Variants in NDUFA13 observed in about 807,000 individuals in gnomAD.
NDUFA13 encodes the protein NADH:ubiquinone oxidoreductase subunit A13.
Under a neutral mutation model 17.0 loss-of-function variants are expected in NDUFA13, and 16 were observed. The observed-to-expected ratio is 0.94, with a 90% CI of 0.64 to 1.43. The LOEUF is 1.43. NDUFA13 is among the 40% of genes most tolerant of loss of function. NDUFA13 has a pLI of 0.00. For synonymous variants in NDUFA13, 87 were observed against 78.4 expected (o/e 1.11, Z -0.58); for missense variants, 228 against 206.7 (o/e 1.10, Z -0.63).
intron 1 of NDUFA13, among the ~76,000 whole-genome samples, chr19:19,520,097 A>G (rs971333410): frequency 6.9e-6 from 1 of 145,346 alleles, no homozygotes; most frequent in African/African-American, 2.6e-5. Context: ...ACCTACCTCA[A>G]CCTCCCAAAG....
intron 1 of NDUFA13, among the ~76,000 whole-genome samples, chr19:19,521,603 T>C (rs1222502863): frequency 6.6e-6 from 1 of 152,288 alleles, no homozygotes; most frequent in Non-Finnish European, 1.5e-5. Flanking sequence ...TTTGTTTGTT[T>C]GTTCGTTTGT....
intron 1 of NDUFA13, among the ~76,000 whole-genome samples, chr19:19,522,757 C>T (rs1388599610): frequency 1.3e-5 from 2 of 152,058 alleles, no homozygotes; most frequent in Non-Finnish European, 2.9e-5. Context: ...GAATTACAGG[C>T]GTGAGCCACT....
chr19:19,519,402 C>T (rs2061065899), intron 1 of NDUFA13, among the ~76,000 whole-genome samples: 1 of 151,664 alleles, frequency 6.6e-6, no homozygotes, highest in Non-Finnish European at 1.5e-5. Context: ...AGAGCAGTGG[C>T]CCCCCCTGTG....
intron 1 of NDUFA13, among the ~76,000 whole-genome samples, chr19:19,519,971 C>CTTTTTTTTTTTTT (rs397963977): frequency 8.3e-6 from 1 of 120,270 alleles, no homozygotes; most frequent in African/African-American, 3.2e-5. Flanking sequence ...TTTTTGTTCT[C>CTTTTTTTTTTTTT]TTTTTTTTTT....
Position 19,518,952 on chromosome 19 carries a change from C to T in NDUFA13, c.94+2620C>T, listed in dbSNP as rs140167611. Among the ~76,000 whole-genome samples, 1,466 of 151,660 alleles carry T rather than the reference C, an allele frequency of 9.7e-3. 28 individuals carry two copies. The highest frequency in any genetic ancestry group is 0.033 in the African/African-American group (1,368 of 41,318). ...AGAGATGGGGTTTCTCCATGTTGGT[C>T]AGGCTGGTCTCAAACTCCTGACCTC... is the stretch of plus-strand genomic sequence containing the variant. On this transcript the variant is annotated intron_variant, in intron 1 of 4. Coordinates refer to ENST00000507754, the MANE Select transcript of NDUFA13 (RefSeq NM_015965.7).
chr19:19,516,469 G>A, intron 1 of NDUFA13, 137 bp downstream of exon 1: 1 of 909,676 alleles, frequency 1.1e-6, no homozygotes, highest in Non-Finnish European at 1.8e-6. Flanking sequence ...CATAGCTTCT[G>A]TAATAACGCT....
chr19:19,516,236 A>G lies in NDUFA13; in HGVS notation c.-3A>G. On this transcript the variant is annotated 5_prime_UTR_variant, in exon 1 of 5. Coordinates refer to ENST00000507754, the MANE Select transcript of NDUFA13 (RefSeq NM_015965.7). ...GGGACCGGAAGTGTGGGATACTGCGAGTATGGCGGCGTCAAAGGTGAAGCA... is the reference window on the plus strand; with the variant it reads ...GGGACCGGAAGTGTGGGATACTGCGGGTATGGCGGCGTCAAAGGTGAAGCA... The G allele has an allele frequency of 2.1e-5, 34 of 1,614,110 alleles. No homozygotes were observed. Among genetic ancestry groups the G allele is most frequent in the Non-Finnish European group, 2.8e-5 (33 of 1,180,036 alleles).
intron 1 of NDUFA13, among the ~76,000 whole-genome samples, chr19:19,521,084 G>T (rs886363610): frequency 6.6e-6 from 1 of 152,140 alleles, no homozygotes; most frequent in Non-Finnish European, 1.5e-5. Flanking sequence ...TGGTAACTTC[G>T]TGTTTAACAT....
rs1368356780 is a variant in NDUFA13, at chr19:19,523,207, TCA to T, written c.95-2974_95-2973del. On this transcript the variant is annotated intron_variant, in intron 1 of 4. Coordinates refer to ENST00000507754, the MANE Select transcript of NDUFA13 (RefSeq NM_015965.7). ...ATGGGGATTGCGTTTCAAATCTGTA[TCA>T]GTTTGCACAGCGTTGCCATCTGCAC... Among the ~76,000 whole-genome samples, 3 of 152,252 alleles carry T rather than the reference TCA, an allele frequency of 2.0e-5. No homozygotes were observed. The East Asian group carries it at 5.8e-4, about 29-fold the overall frequency.
At chr19:19,522,055 A>G (rs2061080439) in intron 1 of NDUFA13, among the ~76,000 whole-genome samples, 3 of 152,048 alleles carry the variant, frequency 2.0e-5, no homozygotes. Flanking sequence ...CTGTAATTCC[A>G]GCACTTTGGG....
In NDUFA13 at chr19:19,516,347, G is replaced by A; in HGVS notation, c.94+15G>A. 6 of 1,613,012 alleles carry A rather than the reference G, an allele frequency of 3.7e-6. No individual in the cohort carries two copies. The highest frequency in any genetic ancestry group is 5.1e-6 in the Non-Finnish European group (6 of 1,179,932). On this transcript the variant is annotated intron_variant, in intron 1 of 4. Coordinates refer to ENST00000507754, the MANE Select transcript of NDUFA13 (RefSeq NM_015965.7). ...AGGACTGTCGGGTCAGTATCACTCT[G>A]CGCCGGGGTCTCAGAGTCTGGGCAC...
At position 19,528,155 on chromosome 19, in the gene NDUFA13, C is replaced by G; in HGVS notation, c.*29C>G. ...CTGTGCCCTCCGGCCACCTGGATCC[C>G]TGCCCCTCCCCACTGGGACGGAATA... On this transcript the variant is annotated 3_prime_UTR_variant, in exon 5 of 5. Coordinates refer to ENST00000507754, the MANE Select transcript of NDUFA13 (RefSeq NM_015965.7). 1 of 1,610,326 alleles carries G rather than the reference C, an allele frequency of 6.2e-7. No individual in the cohort carries two copies. The highest frequency in any genetic ancestry group is 8.5e-7 in the Non-Finnish European group (1 of 1,179,880).
In NDUFA13 at chr19:19,526,256, C is replaced by T. The variant is rs765175940; in HGVS notation, c.169C>T (p.Arg57Cys). ...GAGCATAATGAAGTGGAACCGTGAG[C>T]GCAGGTAGGGCCCCTGGTGGGCGTT... ...HWSIMKWNRE[R>C]RRLQIEDFEA... Residue 57 changes from arginine to cysteine, a missense_variant, in exon 2 of 5, where the codon CGC (arginine) becomes TGC (cysteine). Physicochemically the swap from Arg to Cys is radical, Grantham distance 180 (BLOSUM62 -3). Transcript: ENST00000507754. 26 of 1,613,962 alleles carry T rather than the reference C, an allele frequency of 1.6e-5. No homozygotes were observed. The highest frequency in any genetic ancestry group is 2.1e-5 in the Non-Finnish European group (25 of 1,180,014).
intron 1 of NDUFA13, among the ~76,000 whole-genome samples, chr19:19,517,372 G>C (rs1001916701): frequency 6.6e-6 from 1 of 151,552 alleles, no homozygotes; most frequent in Non-Finnish European, 1.5e-5. Flanking sequence ...ACAAGCATGC[G>C]CCCAGCTTTC....
chr19:19,521,416 C>T (rs1476896012), intron 1 of NDUFA13, among the ~76,000 whole-genome samples: 3 of 152,384 alleles, frequency 2.0e-5, no homozygotes, highest in Non-Finnish European at 4.4e-5. Flanking sequence ...GATGGGGCCT[C>T]AGTGTTTCCC....
In NDUFA13 at chr19:19,516,348, C is replaced by T. The variant is rs2061048566; in HGVS notation, c.94+16C>T. 3 of 1,612,276 alleles carry T rather than the reference C, an allele frequency of 1.9e-6. No individual in the cohort carries two copies. The highest frequency in any genetic ancestry group is 2.7e-5 in the African/African-American group (2 of 75,020). On this transcript the variant is annotated intron_variant, in intron 1 of 4. Transcript: ENST00000507754. ...GGACTGTCGGGTCAGTATCACTCTG[C>T]GCCGGGGTCTCAGAGTCTGGGCACT...
chr19:19,526,181 GGCTACA>G lies in NDUFA13; in HGVS notation c.97_102del (p.Tyr33_Ser34del), dbSNP rs2061098796. 2 of 1,613,908 alleles carry G rather than the reference GGCTACA, an allele frequency of 1.2e-6. No individual in the cohort carries two copies. The highest frequency in any genetic ancestry group is 1.7e-6 in the Non-Finnish European group (2 of 1,179,972). On this transcript the variant is annotated inframe_deletion and splice_region_variant, in exon 2 of 5. Coordinates refer to ENST00000507754, the MANE Select transcript of NDUFA13 (RefSeq NM_015965.7). ...CCGCTGAGCAGCGCCTCTCTTCACA[GGCTACA>G]GCATGCTGGCCATAGGGATTGGAAC...
At chr19:19,516,414 C>T (rs2061049055) in intron 1 of NDUFA13, 82 bp downstream of exon 1, 6 of 1,476,210 alleles carry the variant, frequency 4.1e-6, no homozygotes, top group Non-Finnish European at 5.6e-6. Context: ...AGGCGGGCCT[C>T]AGTTTTCCCG....
At chr19:19,522,207 A>T (rs2061081018) in intron 1 of NDUFA13, among the ~76,000 whole-genome samples, 1 of 151,808 alleles carries the variant, frequency 6.6e-6, no homozygotes. Context: ...CAGGAGGCTG[A>T]GGCAGGAGAA....
Sources: gnomAD v4.1 joint callset for allele counts (sites outside exome capture counted in the v4.1 genomes callset) on GRCh38, gnomAD v4.1.1 for gene constraint, MANE v1.5 for transcripts, NCBI Gene and HGNC (gene_info 2026-07-23, HGNC 2026-07-21) for gene names.